The following GPR139 variants were observed in gnomAD, a reference collection of about 807,000 sequenced individuals.
GPR139 encodes the protein probable G protein-coupled receptor 139.
GPR139 carries 12 observed loss-of-function variants against 25.8 expected under a neutral mutation model. That is an observed-to-expected ratio of 0.47 (90% CI 0.30 to 0.75). The LOEUF is 0.75. Among genes scored for constraint, GPR139 ranks in the 30% least tolerant of loss-of-function variants. GPR139 has a pLI of 0.07. For missense variants in GPR139, 380 were observed against 450.2 expected, an observed-to-expected ratio of 0.84 and a Z score of 1.41; for synonymous variants, 184 against 179.9, an observed-to-expected ratio of 1.02 and a Z score of -0.18.
rs368635526 is a variant in GPR139, at chr16:20,054,102, G to C, written c.127+19388C>G. The stretch of plus-strand genomic sequence containing the variant: ...TTTAGGGCCACATTCTTAGTCCCTA[G>C]CACAGTACCTGACACACAGTAGGAA... On this transcript the variant is annotated intron_variant, in intron 1 of 1. Transcript: ENST00000570682. 6.6e-5 allele frequency among the ~76,000 whole-genome samples: 10 copies of C among 152,154 alleles called. No individual in the cohort carries two copies. The East Asian group carries it at 9.6e-4, about 15-fold the overall frequency.
chr16:20,070,691 C>T (rs746027501), intron 1 of GPR139, among the ~76,000 whole-genome samples: 6 of 152,314 alleles, frequency 3.9e-5, no homozygotes, highest in Non-Finnish European at 5.9e-5. Flanking sequence ...ACAACTACTG[C>T]GAGAATTTGG....
chr16:20,056,533 C>T (rs936265956), intron 1 of GPR139, among the ~76,000 whole-genome samples: 1 of 152,198 alleles, frequency 6.6e-6, no homozygotes, highest in Non-Finnish European at 1.5e-5. Flanking sequence ...GTTTTCAGTC[C>T]TGCCTACCCG....
chr16:20,068,439 G>A (rs2057444952), intron 1 of GPR139, among the ~76,000 whole-genome samples: 1 of 151,912 alleles, frequency 6.6e-6, no homozygotes, highest in East Asian at 1.9e-4. Context: ...AAATACAATA[G>A]GTTTTTACAT....
intron 1 of GPR139, among the ~76,000 whole-genome samples, chr16:20,033,394 G>A (rs369049328): frequency 2.8e-4 from 43 of 152,336 alleles, no homozygotes; most frequent in African/African-American, 1.0e-3. Flanking sequence ...GAGAGCTTAA[G>A]CAACTTGCTT....
chr16:20,038,363 G>GTA (rs2057318506), intron 1 of GPR139, among the ~76,000 whole-genome samples: 1 of 135,660 alleles, frequency 7.4e-6, no homozygotes, highest in Admixed American at 8.0e-5. Flanking sequence ...GTGTGTGTGT[G>GTA]TGTGTGTATT....
rs1327217214 is a variant in GPR139 at position 20,038,742 on chromosome 16, T to A, written c.128-6073A>T. On this transcript the variant is annotated intron_variant, in intron 1 of 1. Transcript: ENST00000570682. ...GGGGAATGGTGCGGTTCCTGTGTAT[T>A]GATTTTCTGAAAAAGAAATGAAAAG... Among the ~76,000 whole-genome samples the A allele has an allele frequency of 2.2e-4, 33 of 152,120 alleles. 1 individual carries two copies. Among genetic ancestry groups the A allele is most frequent in the Admixed American group, 2.2e-3 (33 of 15,272 alleles).
Position 20,031,984 on chromosome 16 carries a change from G to A in GPR139, c.813C>T (p.Asn271=), listed in dbSNP as rs1324519051. Residue 271 remains asparagine (N), a synonymous_variant, in exon 2 of 2, where the codon AAC becomes AAT. Transcript: ENST00000570682. ...TGGCTGTGTTCAGAAGGGCTAGCAT[G>A]TTGGCAATGTCGGACATGATGTGTA... ...WLVHIMSDIA[N]MLALLNTAIN... The A allele has an allele frequency of 5.0e-6, 8 of 1,614,112 alleles. No individual in the cohort carries two copies. Among genetic ancestry groups the A allele is most frequent in the Non-Finnish European group, 6.8e-6 (8 of 1,180,044 alleles).
At chr16:20,042,494 A>C (rs1425549533) in intron 1 of GPR139, among the ~76,000 whole-genome samples, 1 of 152,098 alleles carries the variant, frequency 6.6e-6, no homozygotes, top group African/African-American at 2.4e-5. Flanking sequence ...GCTGCATTCC[A>C]AACCTTACCC....
intron 1 of GPR139, among the ~76,000 whole-genome samples, chr16:20,048,736 C>A (rs528102247): frequency 6.6e-6 from 1 of 152,318 alleles, no homozygotes; most frequent in East Asian, 1.9e-4. Context: ...CATCCCAATA[C>A]ACAGGGTGGT....
chr16:20,047,766 C>T (rs1421460040), intron 1 of GPR139, among the ~76,000 whole-genome samples: 3 of 152,154 alleles, frequency 2.0e-5, no homozygotes, highest in Non-Finnish European at 4.4e-5. Context: ...ATTCTGGAGC[C>T]AGATTGCTGG....
intron 1 of GPR139, among the ~76,000 whole-genome samples, chr16:20,064,239 G>C (rs2057423757): frequency 6.6e-6 from 1 of 152,156 alleles, no homozygotes; most frequent in African/African-American, 2.4e-5. Context: ...AAATGGGGAT[G>C]TTTGGACTCA....
At chr16:20,071,648 G>C (rs2141217518) in intron 1 of GPR139, among the ~76,000 whole-genome samples, 1 of 152,320 alleles carries the variant, frequency 6.6e-6, no homozygotes, top group East Asian at 1.9e-4. Context: ...CTGGCATACA[G>C]TAGATGTCAA....
Position 20,029,710 on chromosome 16 carries a change from C to T in GPR139, c.*2025G>A, listed in dbSNP as rs1222869528. ...CTGGGGAGCGTGGGAGATGGGAGAT[C>T]TGTCCCTCAGTCAGACGACTTCCAT... On this transcript the variant is annotated 3_prime_UTR_variant, in exon 2 of 2. Coordinates refer to ENST00000570682, the MANE Select transcript of GPR139 (RefSeq NM_001002911.4). Among the ~76,000 whole-genome samples the T allele has an allele frequency of 6.6e-6, 1 of 152,130 alleles. No homozygotes were observed. The highest frequency in any genetic ancestry group is 1.5e-5 in the Non-Finnish European group (1 of 68,022).
chr16:20,064,726 G>A (rs2057425413), intron 1 of GPR139, among the ~76,000 whole-genome samples: 1 of 152,154 alleles, frequency 6.6e-6, no homozygotes. Context: ...GGAACACTGA[G>A]GCTCCGAAAG....
At chr16:20,051,441 G>A (rs994907625) in intron 1 of GPR139, among the ~76,000 whole-genome samples, 4 of 152,150 alleles carry the variant, frequency 2.6e-5, no homozygotes, top group Non-Finnish European at 4.4e-5. Context: ...TCCACCATGG[G>A]ACCCACGTTC....
intron 1 of GPR139, among the ~76,000 whole-genome samples, chr16:20,045,633 T>C (rs2764770): frequency 0.38 from 57,372 of 151,962 alleles, 11,397 homozygotes; most frequent in South Asian, 0.61. Flanking sequence ...GAGAGAAGGA[T>C]CAATTTCAGA....
intron 1 of GPR139, among the ~76,000 whole-genome samples, chr16:20,068,337 G>A (rs983466021): frequency 2.0e-5 from 3 of 151,138 alleles, no homozygotes; most frequent in Non-Finnish European, 4.4e-5. Flanking sequence ...TGAATCTAAT[G>A]TGAATTCTTC....
chr16:20,038,281 TAC>T (rs1433209607), intron 1 of GPR139, among the ~76,000 whole-genome samples: 2 of 150,542 alleles, frequency 1.3e-5, no homozygotes, highest in South Asian at 2.1e-4. Context: ...GCTATATATA[TAC>T]ACACACACAC....
intron 1 of GPR139, among the ~76,000 whole-genome samples, chr16:20,040,051 G>GCCA (rs1161960035): frequency 6.6e-6 from 1 of 152,144 alleles, no homozygotes; most frequent in Non-Finnish European, 1.5e-5. Context: ...TGCCACTTAG[G>GCCA]CCATGTGTAG....
Sources: allele counts gnomAD v4.1 joint callset (sites outside exome capture counted in the v4.1 genomes callset), GRCh38; gene constraint gnomAD v4.1.1; transcripts MANE v1.5; gene names NCBI Gene and HGNC (gene_info 2026-07-23, HGNC 2026-07-21).